The following TBCD variants were observed in gnomAD, a reference collection of about 807,000 sequenced individuals.
TBCD encodes the protein tubulin folding cofactor D, also known as tubulin-specific chaperone D.
TBCD carries 105 observed loss-of-function variants against 169.3 expected under a neutral mutation model. That is an observed-to-expected ratio of 0.62 (90% CI 0.53 to 0.73). TBCD has a LOEUF of 0.73. Ranked by LOEUF, TBCD falls within the 30% of genes least tolerant of loss-of-function variation. TBCD has a pLI of 0.00. For synonymous variants in TBCD, 700 were observed against 643.9 expected (o/e 1.09, Z -1.32); for missense variants, 1,444 against 1,600.1 (o/e 0.90, Z 1.66).
chr17:82,834,970 G>C (rs1375854339), intron 13 of TBCD, among the ~76,000 whole-genome samples: 1 of 152,154 alleles, frequency 6.6e-6, no homozygotes, highest in Non-Finnish European at 1.5e-5. Context: ...GGCCGAGGTG[G>C]GAGGATCCCT....
intron 13 of TBCD, among the ~76,000 whole-genome samples, chr17:82,853,232 A>T (rs145527240): frequency 1.4e-4 from 22 of 152,042 alleles, no homozygotes; most frequent in Admixed American, 6.6e-5. Flanking sequence ...GGCATGTGCC[A>T]CCACGCCCAG....
chr17:82,838,122 G>A (rs115059902), intron 13 of TBCD, among the ~76,000 whole-genome samples: 1,554 of 152,334 alleles, frequency 0.01, 24 homozygotes, highest in African/African-American at 0.036. Context: ...GTGTTGGGGC[G>A]TAGCTGCCCA....
At chr17:82,876,175 A>G (rs2146092449) in intron 14 of TBCD, among the ~76,000 whole-genome samples, 1 of 152,300 alleles carries the variant, frequency 6.6e-6, no homozygotes, top group South Asian at 2.1e-4. Flanking sequence ...AGGTGCCTGG[A>G]GCTTGGGACA....
intron 8 of TBCD, among the ~76,000 whole-genome samples, chr17:82,800,392 G>C (rs1207937723): frequency 6.6e-6 from 1 of 152,124 alleles, no homozygotes; most frequent in East Asian, 1.9e-4. Flanking sequence ...CTGAAAAACA[G>C]AGCAAGCCAC....
At chr17:82,905,093 G>A (rs1416133579) in intron 19 of TBCD, among the ~76,000 whole-genome samples, 2 of 152,178 alleles carry the variant, frequency 1.3e-5, no homozygotes, top group Admixed American at 1.3e-4. Flanking sequence ...CTCTGCGTCC[G>A]TGAGGGTTCT....
At chr17:82,758,396 A>ATAAT (rs1263110597) in intron 2 of TBCD, among the ~76,000 whole-genome samples, 2 of 123,106 alleles carry the variant, frequency 1.6e-5, no homozygotes, top group African/African-American at 2.8e-5. Flanking sequence ...AAAAAAAAAA[A>ATAAT]AAAAAAATAA....
Position 82,807,639 on chromosome 17 carries a change from C to G in TBCD, c.1119C>G (p.Asp373Glu). The G allele has an allele frequency of 1.3e-6, 2 of 1,557,138 alleles. No homozygotes were observed. Among genetic ancestry groups the G allele is most frequent in the Non-Finnish European group, 1.7e-6 (2 of 1,150,686 alleles). The change falls in exon 11 of 39, where the codon GAC (aspartate) becomes GAG (glutamate). Residue 373 changes from aspartate (D) to glutamate (E), a missense_variant. By Grantham distance (45) the Asp-to-Glu change is conservative. Coordinates refer to ENST00000355528, the MANE Select transcript of TBCD (RefSeq NM_005993.5). Reference sequence around the variant, plus strand: ...TGCTGGTCGGGCTGAAGGACAAGGACACGGTCGTGCGGTGGTCTGCAGCCA... The same window carrying G: ...TGCTGGTCGGGCTGAAGGACAAGGAGACGGTCGTGCGGTGGTCTGCAGCCA... ...EQLLVGLKDK[D>E]TVVRWSAAKG...
intron 7 of TBCD, among the ~76,000 whole-genome samples, chr17:82,784,619 C>T (rs77667812): frequency 0.012 from 1,868 of 152,246 alleles, 41 homozygotes; most frequent in African/African-American, 0.041. Context: ...CCTTGGGTCT[C>T]ACTGAGGAAA....
At chr17:82,849,900 G>A (rs1362728427) in intron 13 of TBCD, among the ~76,000 whole-genome samples, 3 of 150,916 alleles carry the variant, frequency 2.0e-5, no homozygotes, top group Non-Finnish European at 3.0e-5. Context: ...TGGCTGTGCT[G>A]TTGTTGGCTG....
In TBCD at chr17:82,832,551, T is replaced by C. The variant is rs1273018720; in HGVS notation, c.1318+17617T>C. 8.8e-7 allele frequency: 1 copy of C among 1,131,230 alleles called. No individual in the cohort carries two copies. Among genetic ancestry groups the C allele is most frequent in the African/African-American group, 1.5e-5 (1 of 65,748 alleles). The allele number at this position is 1,131,230 out of a possible 1,614,324, so 70.1% of individuals were successfully genotyped here. On this transcript the variant is annotated intron_variant, in intron 13 of 38. Coordinates refer to ENST00000355528, the MANE Select transcript of TBCD (RefSeq NM_005993.5). The surrounding 1 kb of genome is among the most constrained non-coding windows in gnomAD (Gnocchi z 4.9). Reference sequence around the variant, plus strand: ...GTTTCTAAAGAGGCACCTCCCGCTTTGCTTTCTTTCCCGATCACTTCTATC... The same window carrying C: ...GTTTCTAAAGAGGCACCTCCCGCTTCGCTTTCTTTCCCGATCACTTCTATC...
intron 34 of TBCD, 163 bp from the exon 35 acceptor site, chr17:82,937,108 G>T: frequency 4.8e-6 from 3 of 623,772 alleles, no homozygotes; most frequent in Non-Finnish European, 8.5e-6. Context: ...TGGAGGTATT[G>T]GGATGGGGAC....
chr17:82,760,669 C>G (rs982230140), intron 2 of TBCD, among the ~76,000 whole-genome samples: 1 of 152,204 alleles, frequency 6.6e-6, no homozygotes, highest in Non-Finnish European at 1.5e-5. Flanking sequence ...AGAGTTCACT[C>G]TTCTAAATAT....
intron 27 of TBCD, among the ~76,000 whole-genome samples, chr17:82,925,272 G>A (rs900203106): frequency 5.3e-5 from 8 of 152,264 alleles, no homozygotes; most frequent in African/African-American, 1.9e-4. Context: ...TTTGCTGTCA[G>A]AGGACAGACT....
At chr17:82,857,231 A>T (rs147546838) in intron 13 of TBCD, among the ~76,000 whole-genome samples, 7 of 152,120 alleles carry the variant, frequency 4.6e-5, no homozygotes, top group Non-Finnish European at 7.4e-5. Context: ...GCATCTTTTC[A>T]TGTGCTCCTT....
intron 12 of TBCD, 40 bp from the exon 13 acceptor site, chr17:82,814,800 G>T: frequency 6.2e-7 from 1 of 1,605,700 alleles, no homozygotes; most frequent in South Asian, 1.1e-5. Flanking sequence ...ACCAAAAGCT[G>T]ACACGTGGGC....
In TBCD at chr17:82,781,542, C is replaced by T. The variant is rs772673365; in HGVS notation, c.639-47C>T. 31 of 1,605,746 alleles carry T rather than the reference C, an allele frequency of 1.9e-5. 1 individual carries two copies. The highest frequency in any genetic ancestry group is 3.3e-5 in the South Asian group (3 of 90,050). ...GTGGGGTGGGCTGGTGAGGCGTGGG[C>T]GAGGTCTCAGTGCTGAGGCCTTGGT... is the stretch of plus-strand genomic sequence containing the variant. On this transcript the variant is annotated intron_variant, in intron 6 of 38. Transcript: ENST00000355528.
chr17:82,844,750 CCT>C (rs56726382), intron 13 of TBCD, among the ~76,000 whole-genome samples: 34,887 of 152,080 alleles, frequency 0.23, 4,384 homozygotes, highest in East Asian at 0.45. Flanking sequence ...TGTTCAACCC[CCT>C]GTGTTACTCA....
intron 13 of TBCD, among the ~76,000 whole-genome samples, chr17:82,844,206 CGTGT>C (rs769300875): frequency 1.2e-3 from 157 of 127,478 alleles, no homozygotes; most frequent in African/African-American, 1.4e-3. Flanking sequence ...GGATGTTCTC[CGTGT>C]GTGTGTGTGT....
Position 82,884,177 on chromosome 17 carries a change from A to G in TBCD, c.1508A>G (p.Asp503Gly), listed in dbSNP as rs141525720. 6.2e-7 allele frequency: 1 copy of G among 1,610,828 alleles called. No homozygotes were observed. Among genetic ancestry groups the G allele is most frequent in the Non-Finnish European group, 8.5e-7 (1 of 1,178,340 alleles). Residue 503 changes from aspartate (D) to glycine (G), a missense_variant, in exon 15 of 39, where the codon GAC becomes GGC. By Grantham distance (94) the Asp-to-Gly change is moderately conservative. Transcript: ENST00000355528. The surrounding 1 kb of genome is among the most constrained non-coding windows in gnomAD (Gnocchi z 4.2). ...ALVIAAVFDR[D>G]INCRRAASAA... ...GTGATTGCTGCGGTGTTTGACCGAGACATAAACTGCAGAAGAGCAGCCTCT... is the reference window on the plus strand; with the variant it reads ...GTGATTGCTGCGGTGTTTGACCGAGGCATAAACTGCAGAAGAGCAGCCTCT...
Sources: gnomAD v4.1 joint callset for allele counts (sites outside exome capture counted in the v4.1 genomes callset) on GRCh38, gnomAD v4.1.1 for gene constraint, Gnocchi (gnomAD v3.1) non-coding constraint, MANE v1.5 for transcripts, NCBI Gene and HGNC (gene_info 2026-07-23, HGNC 2026-07-21) for gene names.